The following KCNK10 variants were observed in gnomAD, a reference collection of about 807,000 sequenced individuals.
KCNK10 encodes potassium channel subfamily K member 10.
KCNK10 carries 25 observed loss-of-function variants against 47.7 expected under a neutral mutation model. The ratio of observed to expected loss-of-function variants is 0.52; its 90% confidence interval spans 0.38 to 0.73. The LOEUF is 0.73. KCNK10 is among the 30% of genes least tolerant of loss of function. The pLI, the probability that KCNK10 is intolerant of heterozygous loss-of-function variation, is 0.00. For synonymous variants in KCNK10, 303 were observed against 285.6 expected (o/e 1.06, Z -0.61); for missense variants, 563 against 714.5 (o/e 0.79, Z 2.42).
At chr14:88,190,752 A>G (rs916730798) in intron 5 of KCNK10, among the ~76,000 whole-genome samples, 1 of 152,348 alleles carries the variant, frequency 6.6e-6, no homozygotes. Context: ...TGTCTGCCCA[A>G]TTGGAAGAGC....
intron 1 of KCNK10, among the ~76,000 whole-genome samples, chr14:88,303,585 G>A (rs1888149488): frequency 6.6e-6 from 1 of 152,080 alleles, no homozygotes; most frequent in Non-Finnish European, 1.5e-5. Context: ...TTCAAGTAGA[G>A]AGGGAGAGAT....
chr14:88,301,519 T>G (rs1477406399), intron 1 of KCNK10, among the ~76,000 whole-genome samples: 1 of 152,058 alleles, frequency 6.6e-6, no homozygotes, highest in African/African-American at 2.4e-5. Flanking sequence ...CCTAACAGTA[T>G]GCTACAACAG....
intron 1 of KCNK10, among the ~76,000 whole-genome samples, chr14:88,269,087 G>A (rs1381654765): frequency 2.0e-5 from 3 of 152,190 alleles, no homozygotes; most frequent in Admixed American, 6.5e-5. Context: ...GCAGTGAGCC[G>A]AGATCGTGCC....
At chr14:88,235,106 G>C (rs1886263607) in intron 3 of KCNK10, 1 of 456,472 alleles carries the variant, frequency 2.2e-6, no homozygotes, top group South Asian at 1.5e-5. Context: ...AAAACAGGGA[G>C]GTAGGACAGA....
chr14:88,307,249 C>T (rs977705452), intron 1 of KCNK10, among the ~76,000 whole-genome samples: 19 of 149,932 alleles, frequency 1.3e-4, no homozygotes, highest in African/African-American at 4.4e-4. Context: ...AGATGACTGT[C>T]TTCATTCTTC....
At chr14:88,287,676 TGTGTGTGTGTGTGTGTG>T (rs1566715194) in intron 1 of KCNK10, among the ~76,000 whole-genome samples, 10 of 2,214 alleles carry the variant, frequency 4.5e-3, no homozygotes, top group Admixed American at 7.9e-3. Context: ...TATTCCATGG[TGTGTGTGTGTGTGTGTG>T]TGTGTGTGTG....
intron 4 of KCNK10, among the ~76,000 whole-genome samples, chr14:88,208,470 C>G (rs1056799290): frequency 6.6e-6 from 1 of 152,128 alleles, no homozygotes; most frequent in Non-Finnish European, 1.5e-5. Context: ...TTAAAGGGCT[C>G]AGGACAATTG....
chr14:88,244,937 T>C (rs10136114), intron 2 of KCNK10, among the ~76,000 whole-genome samples: 2,912 of 152,290 alleles, frequency 0.019, 90 homozygotes, highest in African/African-American at 0.066. Flanking sequence ...GATAATTCAA[T>C]AGAGGTAGAC....
At chr14:88,187,304 C>G (rs1313578836) in intron 6 of KCNK10, among the ~76,000 whole-genome samples, 6 of 151,746 alleles carry the variant, frequency 4.0e-5, no homozygotes. Flanking sequence ...TTTCTCCTTC[C>G]TTGGCCTTCC....
intron 1 of KCNK10, among the ~76,000 whole-genome samples, chr14:88,287,561 G>A (rs952642560): frequency 3.9e-5 from 6 of 152,114 alleles, no homozygotes; most frequent in African/African-American, 4.8e-5. Context: ...AACACACAAT[G>A]TTTGGTTTTT....
At chr14:88,283,694 G>A (rs1210979200) in intron 1 of KCNK10, among the ~76,000 whole-genome samples, 1 of 152,180 alleles carries the variant, frequency 6.6e-6, no homozygotes, top group Non-Finnish European at 1.5e-5. Flanking sequence ...GGTGGATCAC[G>A]AGGTCAAGAG....
In KCNK10 at chr14:88,188,232, G is replaced by C; in HGVS notation, c.869-123C>G. 3.2e-6 allele frequency: 4 copies of C among 1,245,880 alleles called. No individual in the cohort carries two copies. In the South Asian group the frequency reaches 4.0e-5, roughly 13 times the overall value. The allele number at this position is 1,245,880 out of a possible 1,614,324, so 77.2% of individuals were successfully genotyped here. Reference sequence around the variant, plus strand: ...TGTTTAACACTCAGCTGTTAGGTTTGCTGTGTACAAGGTGGACCGGGGTTA... The same window carrying C: ...TGTTTAACACTCAGCTGTTAGGTTTCCTGTGTACAAGGTGGACCGGGGTTA... On this transcript the variant is annotated intron_variant, in intron 5 of 6. Transcript: ENST00000319231.
At chr14:88,215,814 C>T (rs1010903175) in intron 4 of KCNK10, among the ~76,000 whole-genome samples, 4 of 152,084 alleles carry the variant, frequency 2.6e-5, no homozygotes, top group African/African-American at 4.8e-5. Context: ...AAATGATAAA[C>T]GCTATCCAGG....
chr14:88,234,022 C>G (rs554169426), intron 3 of KCNK10, among the ~76,000 whole-genome samples: 4 of 152,178 alleles, frequency 2.6e-5, no homozygotes, highest in African/African-American at 4.8e-5. Context: ...TCCTACAATG[C>G]GTGACACTTT....
chr14:88,298,345 T>G (rs537680621), intron 1 of KCNK10, among the ~76,000 whole-genome samples: 6 of 152,284 alleles, frequency 3.9e-5, no homozygotes, highest in African/African-American at 1.4e-4. Context: ...TAAAAGGAAT[T>G]AACTACAGTG....
intron 1 of KCNK10, among the ~76,000 whole-genome samples, chr14:88,273,295 CCA>C (rs1181437595): frequency 6.6e-6 from 1 of 152,046 alleles, no homozygotes; most frequent in African/African-American, 2.4e-5. Flanking sequence ...AGATCTTATC[CCA>C]GTCTCTGTCT....
intron 4 of KCNK10, among the ~76,000 whole-genome samples, chr14:88,203,112 G>A (rs950285354): frequency 6.6e-6 from 1 of 152,162 alleles, no homozygotes; most frequent in African/African-American, 2.4e-5. Flanking sequence ...TTCCAGGGAT[G>A]GTGGTACCAA....
intron 4 of KCNK10, among the ~76,000 whole-genome samples, chr14:88,194,696 T>C (rs1251939556): frequency 6.6e-6 from 1 of 152,130 alleles, no homozygotes; most frequent in Non-Finnish European, 1.5e-5. Flanking sequence ...TAACAAAGGC[T>C]AGATCGTGGC....
intron 1 of KCNK10, among the ~76,000 whole-genome samples, chr14:88,319,725 T>G (rs1216581444): frequency 1.3e-5 from 2 of 152,122 alleles, no homozygotes; most frequent in African/African-American, 4.8e-5. Context: ...CGCAACAAGC[T>G]TCTCCACTTC....
Sources: gnomAD v4.1 joint callset for allele counts (sites outside exome capture counted in the v4.1 genomes callset) on GRCh38, gnomAD v4.1.1 for gene constraint, MANE v1.5 for transcripts, NCBI Gene and HGNC (gene_info 2026-07-23, HGNC 2026-07-21) for gene names.